The following MAX variants were observed in gnomAD, a reference collection of about 807,000 sequenced individuals.
The protein encoded by MAX is protein max.
Under a neutral mutation model 22.3 loss-of-function variants are expected in MAX, and 3 were observed. That is an observed-to-expected ratio of 0.13 (90% CI 0.06 to 0.35). The LOEUF is 0.35. Ranked by LOEUF, MAX falls within the 10% of genes least tolerant of loss-of-function variation. The probability of loss-of-function intolerance (pLI) is 1.00; values close to 1 mark genes in which losing one functional copy is unlikely to be tolerated. For missense variants in MAX, 119 were observed against 209.4 expected (o/e 0.57, Z 2.66); for synonymous variants, 72 against 77.7 (o/e 0.93, Z 0.39).
At chr14:65,026,134 G>T (rs1238769187) in intron 3 of MAX, among the ~76,000 whole-genome samples, 1 of 152,158 alleles carries the variant, frequency 6.6e-6, no homozygotes, top group Non-Finnish European at 1.5e-5. Context: ...CAGGAAAGAA[G>T]GCCCCATGAA....
At chr14:65,010,376 T>C (rs535536570) in intron 3 of MAX, among the ~76,000 whole-genome samples, 1 of 152,362 alleles carries the variant, frequency 6.6e-6, no homozygotes, top group South Asian at 2.1e-4. Flanking sequence ...GTGTGTAACC[T>C]GAATCCCTCT....
At chr14:65,038,976 C>T (rs903074280) in intron 3 of MAX, among the ~76,000 whole-genome samples, 1 of 152,180 alleles carries the variant, frequency 6.6e-6, no homozygotes, top group African/African-American at 2.4e-5. Context: ...TCTAAAGATA[C>T]AACTTTAAAA....
exon 4 of MAX, chr14:65,006,177 A>G: frequency 6.6e-7 from 1 of 1,509,638 alleles, no homozygotes; most frequent in South Asian, 1.2e-5. Context: ...TTTTTTTGCC[A>G]CCATTTCCTT....
At chr14:65,026,871 A>C (rs2061991783) in intron 3 of MAX, among the ~76,000 whole-genome samples, 1 of 152,130 alleles carries the variant, frequency 6.6e-6, no homozygotes, top group South Asian at 2.1e-4. Flanking sequence ...CAAAAAAAAA[A>C]ACAAAAAAAC....
chr14:65,076,533 C>G lies in MAX; in HGVS notation c.426G>C (p.Ser142=), dbSNP rs145787299. Residue 142 remains serine (S), a synonymous_variant, in exon 5 of 5, where the codon TCG becomes TCC. Coordinates refer to ENST00000358664, the MANE Select transcript of MAX (RefSeq NM_002382.5). This position sits in a 1 kb window ranked among gnomAD's most constrained non-coding sequence, Gnocchi z 6.6. ...SAFDGGSDSS[S]ESEPEEPQSR... Reference sequence around the variant, plus strand: ...TTTGGGGCTCTTCAGGCTCAGACTCCGAGCTGGAGTCCGAGCCCCCATCGA... The same window carrying G: ...TTTGGGGCTCTTCAGGCTCAGACTCGGAGCTGGAGTCCGAGCCCCCATCGA... The G allele has an allele frequency of 6.2e-7, 1 of 1,614,024 alleles. No homozygotes were observed. Among genetic ancestry groups the G allele is most frequent in the Non-Finnish European group, 8.5e-7 (1 of 1,180,010 alleles).
Position 65,076,894 on chromosome 14 carries a change from A to C in MAX, c.296-231T>G, listed in dbSNP as rs530754308. On this transcript the variant is annotated intron_variant, in intron 4 of 4. Coordinates refer to ENST00000358664, the MANE Select transcript of MAX (RefSeq NM_002382.5). The surrounding 1 kb of genome is among the most constrained non-coding windows in gnomAD (Gnocchi z 6.6). ...AGCAGACACTCTGCAATCCCACCCAACTCTGAAGAGAAGGCTTGTGATGTC... is the reference window on the plus strand; with the variant it reads ...AGCAGACACTCTGCAATCCCACCCACCTCTGAAGAGAAGGCTTGTGATGTC... 2 of 618,868 alleles carry C rather than the reference A, an allele frequency of 3.2e-6. No individual in the cohort carries two copies. Among genetic ancestry groups the C allele is most frequent in the South Asian group, 1.8e-5 (1 of 54,860 alleles). 38.3% of individuals were successfully genotyped at this position (618,868 alleles called of 1,614,324 possible).
chr14:65,022,819 T>C (rs2061913423), intron 3 of MAX, among the ~76,000 whole-genome samples: 1 of 152,236 alleles, frequency 6.6e-6, no homozygotes, highest in Non-Finnish European at 1.5e-5. Flanking sequence ...TCTTCACAAC[T>C]CGTGGACCCT....
chr14:65,088,650 G>C lies in MAX; in HGVS notation c.171+5058C>G, dbSNP rs1163856882. Among the ~76,000 whole-genome samples the C allele has an allele frequency of 2.0e-5, 3 of 152,166 alleles. No homozygotes were observed. Among genetic ancestry groups the C allele is most frequent in the African/African-American group, 7.2e-5 (3 of 41,430 alleles). ...CCAAAATAATGTGGCCAGGTTGATG[G>C]GGGATTCCTCCCCTCAGTTAATAAA... is the stretch of plus-strand genomic sequence containing the variant. On this transcript the variant is annotated intron_variant, in intron 3 of 4. Coordinates refer to ENST00000358664, the MANE Select transcript of MAX (RefSeq NM_002382.5). The surrounding 1 kb of genome is among the most constrained non-coding windows in gnomAD (Gnocchi z 5.2).
chr14:65,072,580 G>A (rs1347684231), downstream of MAX, among the ~76,000 whole-genome samples: 1 of 152,228 alleles, frequency 6.6e-6, no homozygotes, highest in Non-Finnish European at 1.5e-5. Flanking sequence ...ACCTGAAAGA[G>A]CTTGTTAAAC....
intron 3 of MAX, among the ~76,000 whole-genome samples, chr14:65,008,346 C>T (rs1214840692): frequency 6.6e-6 from 1 of 152,214 alleles, no homozygotes; most frequent in African/African-American, 2.4e-5. Flanking sequence ...GTGTGATCCT[C>T]TCTTTCAGCA....
chr14:65,042,684 A>G (rs2062378801), intron 3 of MAX, among the ~76,000 whole-genome samples: 1 of 152,194 alleles, frequency 6.6e-6, no homozygotes, highest in Admixed American at 6.5e-5. Flanking sequence ...CCATATCTGA[A>G]GTATGAATTC....
chr14:65,021,947 A>G (rs1316296758), intron 3 of MAX: 2 of 455,916 alleles, frequency 4.4e-6, no homozygotes, highest in Admixed American at 4.7e-5. Flanking sequence ...CGCCCGGCCT[A>G]TAGTAGCCAA....
At chr14:65,061,298 C>A in intron 3 of MAX, 1 of 1,613,926 alleles carries the variant, frequency 6.2e-7, no homozygotes, top group Non-Finnish European at 8.5e-7. Flanking sequence ...ATCGGCAGAG[C>A]CTGCAACCGA....
chr14:65,060,870 CAAA>C (rs58241887), intron 3 of MAX, among the ~76,000 whole-genome samples: 1,337 of 79,284 alleles, frequency 0.017, 5 homozygotes, highest in Non-Finnish European at 0.023. Flanking sequence ...AAGACTCTCT[CAAA>C]AAAAAAAAAA....
At chr14:65,068,140 A>T (rs1595119364) in intron 3 of MAX, among the ~76,000 whole-genome samples, 1 of 152,294 alleles carries the variant, frequency 6.6e-6, no homozygotes, top group South Asian at 2.1e-4. Context: ...TACTATATGC[A>T]GTCCACGCTT....
chr14:65,075,052 GC>G, downstream of MAX: 4 of 1,009,382 alleles, frequency 4.0e-6, no homozygotes, highest in South Asian at 1.9e-4. This position sits in a 1 kb window ranked among gnomAD's most constrained non-coding sequence, Gnocchi z 4.1. Flanking sequence ...TTACATTGAG[GC>G]CCTAACAGCT....
At chr14:65,068,265 T>C (rs113654453) in intron 3 of MAX, among the ~76,000 whole-genome samples, 2,395 of 151,990 alleles carry the variant, frequency 0.016, 62 homozygotes, top group African/African-American at 0.055. Context: ...TGAAACCCCA[T>C]AGCAACTAAA....
chr14:65,027,720 T>C lies in MAX; in HGVS notation c.172-21436A>G. 10 of 1,614,224 alleles carry C rather than the reference T, an allele frequency of 6.2e-6. No individual in the cohort carries two copies. Among genetic ancestry groups the C allele is most frequent in the Non-Finnish European group, 8.5e-6 (10 of 1,180,050 alleles). ...CAGAGAGAAGCTTCTTCAGTATTTGTACTCCCTGAAGCAACCTGACGGCTC... is the reference window on the plus strand; with the variant it reads ...CAGAGAGAAGCTTCTTCAGTATTTGCACTCCCTGAAGCAACCTGACGGCTC... On this transcript the variant is annotated intron_variant, in intron 3 of 3. Transcript: ENST00000341653. The surrounding 1 kb of genome is among the most constrained non-coding windows in gnomAD (Gnocchi z 5.7).
rs1402212084 is a variant in MAX at position 65,029,859 on chromosome 14, G to T, written c.172-23575C>A. On this transcript the variant is annotated intron_variant, in intron 3 of 3. Coordinates refer to the MAX transcript ENST00000341653. The surrounding 1 kb of genome is among the most constrained non-coding windows in gnomAD (Gnocchi z 4.7). ...TTCCCAATTGCAGTGATGGACTGTA[G>T]TGTTCCAATAAAAGCCCTCTGGTTT... 6.6e-6 allele frequency among the ~76,000 whole-genome samples: 1 copy of T among 152,184 alleles called. No individual in the cohort carries two copies. The highest frequency in any genetic ancestry group is 1.9e-4 in the East Asian group (1 of 5,194).
Sources: gnomAD v4.1 joint callset for allele counts (sites outside exome capture counted in the v4.1 genomes callset) on GRCh38, gnomAD v4.1.1 for gene constraint, Gnocchi (gnomAD v3.1) non-coding constraint, MANE v1.5 for transcripts, NCBI Gene and HGNC (gene_info 2026-07-23, HGNC 2026-07-21) for gene names.